DLC1: variants seen among roughly 807,000 people sequenced by gnomAD.
DLC1 encodes the protein rho GTPase-activating protein 7.
In DLC1, 54 loss-of-function variants were observed where a neutral mutation model predicts 140.3. The ratio of observed to expected loss-of-function variants is 0.38; its 90% CI spans 0.31 to 0.48. The LOEUF is 0.48. Ranked by LOEUF, DLC1 falls within the 20% of genes least tolerant of loss-of-function variation. The pLI, the probability that DLC1 is intolerant of heterozygous loss-of-function variation, is 0.96. For synonymous variants in DLC1, 986 were observed against 728.1 expected, an observed-to-expected ratio of 1.35 and a Z score of -5.70; for missense variants, 2,536 against 1,907.0, an observed-to-expected ratio of 1.33 and a Z score of -6.14.
At chr8:13,555,750 G>A (rs1372836261) in intron 1 of DLC1, among the ~76,000 whole-genome samples, 2 of 151,168 alleles carry the variant, frequency 1.3e-5, no homozygotes, top group East Asian at 1.9e-4. Context: ...GATCCTCTCC[G>A]CTTGGCCTCC....
At chr8:13,342,852 C>T in intron 4 of DLC1, 1 of 151,922 alleles carries the variant, frequency 6.6e-6, no homozygotes, top group Non-Finnish European at 1.5e-5. Flanking sequence ...CTCTCTCTCT[C>T]TCTCTCTTTG....
In DLC1 at chr8:13,542,697, C is replaced by G. The variant is rs1035799800; in HGVS notation, c.-125-42501G>C. On this transcript the variant is annotated intron_variant, in intron 1 of 1. Transcript: ENST00000631382. Reference sequence around the variant, plus strand: ...TGTTTTATAGTTTTCAGTTTGTAGGCCTTACATAATTTTTGTTAAATTTAT... The same window carrying G: ...TGTTTTATAGTTTTCAGTTTGTAGGGCTTACATAATTTTTGTTAAATTTAT... Among the ~76,000 whole-genome samples the G allele has an allele frequency of 1.1e-4, 16 of 152,084 alleles. No individual in the cohort carries two copies. In the South Asian group the frequency reaches 3.3e-3, roughly 32 times the overall value.
intron 4 of DLC1, among the ~76,000 whole-genome samples, chr8:13,380,892 C>G (rs1192853486): frequency 6.6e-6 from 1 of 152,162 alleles, no homozygotes; most frequent in East Asian, 1.9e-4. Flanking sequence ...GAGATTCTTG[C>G]ACGATTTGGG....
chr8:13,318,007 A>C (rs1832924414), intron 4 of DLC1, among the ~76,000 whole-genome samples: 2 of 152,086 alleles, frequency 1.3e-5, no homozygotes, highest in African/African-American at 4.8e-5. Context: ...TTAACTTATT[A>C]ATAACCTTTT....
chr8:13,428,866 A>G (rs1053880699), intron 2 of DLC1, among the ~76,000 whole-genome samples: 2 of 152,246 alleles, frequency 1.3e-5, no homozygotes, highest in African/African-American at 4.8e-5. Flanking sequence ...GTATTTATAC[A>G]GTAACCCAAT....
intron 5 of DLC1, among the ~76,000 whole-genome samples, chr8:13,234,214 C>G (rs1829181559): frequency 6.6e-6 from 1 of 152,062 alleles, no homozygotes; most frequent in Non-Finnish European, 1.5e-5. Flanking sequence ...GAATGCATTG[C>G]ATTCTCAAAG....
At chr8:13,141,598 T>C (rs530097737) in intron 5 of DLC1, among the ~76,000 whole-genome samples, 5 of 152,222 alleles carry the variant, frequency 3.3e-5, no homozygotes, top group African/African-American at 9.6e-5. Flanking sequence ...TAAAATAAGA[T>C]GCTATGGGGT....
rs879255748 is a variant in DLC1, at chr8:13,094,214, C to T, written c.3526+545G>A. ...TGAAAGTCTAACTTTTCATTTTGCA[C>T]GTAAAAACGTACAATTGCATCAGTC... On this transcript the variant is annotated intron_variant, in intron 12 of 17. Transcript: ENST00000276297. Among the ~76,000 whole-genome samples the T allele has an allele frequency of 6.0e-4, 92 of 152,162 alleles. 1 individual carries two copies. The highest frequency in any genetic ancestry group is 1.0e-3 in the African/African-American group (43 of 41,442).
In DLC1 at chr8:13,091,577, C is replaced by T. The variant is rs1016975875; in HGVS notation, c.3741-145G>A. 8 of 628,350 alleles carry T rather than the reference C, an allele frequency of 1.3e-5. No homozygotes were observed. The African/African-American group carries it at 1.5e-4, about 12-fold the overall frequency. 38.9% of individuals were successfully genotyped at this position (628,350 alleles called of 1,614,324 possible). On this transcript the variant is annotated intron_variant, in intron 13 of 17. Coordinates refer to ENST00000276297, the MANE Select transcript of DLC1 (RefSeq NM_182643.3). ...GTTAAGTGGATTAAGAGTGTTTTTA[C>T]TTTGGTCACCAGAGTATCTCAGAGT...
chr8:13,540,297 A>G (rs966213), intron 1 of DLC1, among the ~76,000 whole-genome samples: 43,523 of 152,084 alleles, frequency 0.29, 6,497 homozygotes, highest in Non-Finnish European at 0.3. Context: ...ATTTCACTCC[A>G]ACTTTAGTAA....
chr8:13,494,753 C>A (rs185427935), intron 2 of DLC1, among the ~76,000 whole-genome samples: 2 of 152,148 alleles, frequency 1.3e-5, no homozygotes, highest in African/African-American at 2.4e-5. Context: ...GAGTTTGAGA[C>A]CAGGCTGGCC....
intron 5 of DLC1, among the ~76,000 whole-genome samples, chr8:13,158,800 C>T (rs1053957571): frequency 7.4e-6 from 1 of 135,588 alleles, no homozygotes; most frequent in Non-Finnish European, 1.5e-5. Context: ...TTCTTTGACA[C>T]CTCTGCATCA....
chr8:13,135,610 A>AT lies in DLC1; in HGVS notation c.1349-19954dup, dbSNP rs559429939. On this transcript the variant is annotated intron_variant, in intron 5 of 17. Coordinates refer to ENST00000276297, the MANE Select transcript of DLC1 (RefSeq NM_182643.3). Reference sequence around the variant, plus strand: ...CCTTCGAAACATACTAATTTATCTTATTTATTAAAAATTCAGACTTTAAAA... The same window carrying AT: ...CCTTCGAAACATACTAATTTATCTTATTTTATTAAAAATTCAGACTTTAAAA... Among the ~76,000 whole-genome samples the AT allele has an allele frequency of 4.6e-5, 7 of 152,326 alleles. No individual in the cohort carries two copies. The South Asian group carries it at 1.4e-3, about 32-fold the overall frequency.
intron 2 of DLC1, among the ~76,000 whole-genome samples, chr8:13,454,200 C>T (rs888828610): frequency 1.3e-5 from 2 of 151,786 alleles, no homozygotes; most frequent in Admixed American, 6.6e-5. Context: ...AATCATGTCT[C>T]CTGGGAAACT....
At chr8:13,585,214 C>G (rs1211251560) in intron 1 of DLC1, among the ~76,000 whole-genome samples, 2 of 152,002 alleles carry the variant, frequency 1.3e-5, no homozygotes, top group Non-Finnish European at 2.9e-5. Flanking sequence ...AAAATTTATT[C>G]AAGACAAGGT....
intron 1 of DLC1, among the ~76,000 whole-genome samples, chr8:13,564,871 T>TC (rs1804372452): frequency 2.6e-5 from 4 of 152,186 alleles, no homozygotes; most frequent in Admixed American, 2.6e-4. Context: ...AGAGCCTGAC[T>TC]GGACTCTCTT....
At chr8:13,475,486 C>A (rs562710390) in intron 2 of DLC1, among the ~76,000 whole-genome samples, 1 of 152,064 alleles carries the variant, frequency 6.6e-6, no homozygotes, top group African/African-American at 2.4e-5. Context: ...GCCCAGAAGC[C>A]ATGGAGATTT....
At chr8:13,259,069 G>A (rs1317541791) in intron 5 of DLC1, among the ~76,000 whole-genome samples, 5 of 148,558 alleles carry the variant, frequency 3.4e-5, no homozygotes, top group Admixed American at 1.3e-4. Flanking sequence ...CCCGGGAGGC[G>A]GAGGTTGCAG....
chr8:13,354,042 C>CTTTTTT (rs57814327), intron 4 of DLC1, among the ~76,000 whole-genome samples: 2 of 146,954 alleles, frequency 1.4e-5, no homozygotes, highest in Non-Finnish European at 3.0e-5. Context: ...ACATACTGAA[C>CTTTTTT]TTTTTTTTTT....
Sources: allele counts gnomAD v4.1 joint callset (sites outside exome capture counted in the v4.1 genomes callset), GRCh38; gene constraint gnomAD v4.1.1; transcripts MANE v1.5; gene names NCBI Gene and HGNC (gene_info 2026-07-23, HGNC 2026-07-21).